Variants in NUFIP1 observed in about 807,000 individuals in gnomAD.
The protein encoded by NUFIP1 is nuclear FMR1 interacting protein 1, also known as FMR1-interacting protein NUFIP1.
In NUFIP1, 38 loss-of-function variants were observed where a neutral mutation model predicts 56.2. The ratio of observed to expected loss-of-function variants is 0.68; its 90% CI spans 0.52 to 0.89. The LOEUF is 0.89. NUFIP1 is among the 40% of genes least tolerant of loss of function. The pLI is 0.00. For synonymous variants in NUFIP1, 215 were observed against 212.4 expected (o/e 1.01, Z -0.10); for missense variants, 567 against 605.8 (o/e 0.94, Z 0.67).
intron 5 of NUFIP1, among the ~76,000 whole-genome samples, chr13:44,971,876 T>C (rs1871816746): frequency 6.6e-6 from 1 of 151,968 alleles, no homozygotes; most frequent in South Asian, 2.1e-4. Context: ...CCTACGTCCA[T>C]GGTACTGTCA....
chr13:44,964,760 T>C (rs565177793), intron 6 of NUFIP1, among the ~76,000 whole-genome samples: 1 of 152,230 alleles, frequency 6.6e-6, no homozygotes, highest in East Asian at 1.9e-4. Flanking sequence ...CAGCACCTCA[T>C]CTTCACTCCG....
chr13:44,980,087 C>T (rs145317874), intron 3 of NUFIP1, 135 bp from the exon 4 acceptor site: 16 of 561,062 alleles, frequency 2.9e-5, no homozygotes, highest in African/African-American at 2.1e-4. Flanking sequence ...TCTCTGCATA[C>T]AAAAATGACT....
chr13:44,959,574 G>C lies in NUFIP1; in HGVS notation c.828C>G (p.Gly276=). ...AATGTCTGGACATCCCCTTCATCTT[G>C]CTGGAGTAAGAAAATTGCAATTTTT... ...RGAVLTTTQY[G]KMKGMSRHSQ... Residue 276 remains glycine (G), a splice_region_variant and synonymous_variant, in exon 7 of 10, where the codon GGC becomes GGG. Transcript: ENST00000379161. 1 of 1,593,864 alleles carries C rather than the reference G, an allele frequency of 6.3e-7. No individual in the cohort carries two copies. Among genetic ancestry groups the C allele is most frequent in the Non-Finnish European group, 8.5e-7 (1 of 1,173,586 alleles).
At chr13:44,985,440 C>T (rs1872349149) in intron 1 of NUFIP1, among the ~76,000 whole-genome samples, 1 of 152,214 alleles carries the variant, frequency 6.6e-6, no homozygotes, top group African/African-American at 2.4e-5. Flanking sequence ...TCTCATTTCA[C>T]TGCACTTCGT....
At chr13:44,979,774 T>C (rs1872119740) in intron 4 of NUFIP1, 116 bp downstream of exon 4, 1 of 639,786 alleles carries the variant, frequency 1.6e-6, no homozygotes, top group Non-Finnish European at 2.5e-6. Context: ...TCAAAATCCT[T>C]ACAAAGTACT....
intron 5 of NUFIP1, among the ~76,000 whole-genome samples, chr13:44,974,712 T>C (rs774423623): frequency 2.0e-5 from 3 of 152,288 alleles, no homozygotes; most frequent in Non-Finnish European, 4.4e-5. Context: ...CCGCTGCACC[T>C]GGCTAACTTT....
chr13:44,975,454 A>C (rs1871939108), intron 5 of NUFIP1, among the ~76,000 whole-genome samples: 1 of 151,850 alleles, frequency 6.6e-6, no homozygotes, highest in Non-Finnish European at 1.5e-5. Flanking sequence ...AAGTCTCCTA[A>C]AACCTCTCTC....
intron 8 of NUFIP1, among the ~76,000 whole-genome samples, chr13:44,944,437 A>G (rs1397943905): frequency 6.6e-6 from 1 of 152,192 alleles, no homozygotes; most frequent in African/African-American, 2.4e-5. Context: ...CAGATTTTCA[A>G]TATGCATTGC....
chr13:44,943,246 ACAT>A (rs1870802530), intron 9 of NUFIP1, among the ~76,000 whole-genome samples, 193 bp downstream of exon 9: 1 of 152,188 alleles, frequency 6.6e-6, no homozygotes, highest in African/African-American at 2.4e-5. Flanking sequence ...TGTAAAAATT[ACAT>A]TATTCCACAT....
intron 9 of NUFIP1, 32 bp from the exon 10 acceptor site, chr13:44,941,354 T>C: frequency 7.9e-7 from 1 of 1,261,930 alleles, no homozygotes; most frequent in African/African-American, 1.5e-5. Flanking sequence ...GATGAGGTAG[T>C]AAATAAATTA....
chr13:44,980,676 G>C lies in NUFIP1; in HGVS notation c.594+46C>G, dbSNP rs1023115130. 6.6e-6 allele frequency: 8 copies of C among 1,219,526 alleles called. No individual in the cohort carries two copies. The African/African-American group carries it at 1.2e-4, about 19-fold the overall frequency. 75.5% of individuals were successfully genotyped at this position (1,219,526 alleles called of 1,614,324 possible). A position where few individuals can be genotyped will look rare whatever the true frequency, so the allele number is the denominator to read the frequency against. ...ATTTCTACCAAATATACAGATAGAA[G>C]AAGCACAATTGCTACATCAGTTTCA... On this transcript the variant is annotated intron_variant, in intron 3 of 9. Transcript: ENST00000379161.
At chr13:44,968,913 G>GTTCCCT (rs932032859) in intron 5 of NUFIP1, among the ~76,000 whole-genome samples, 1 of 152,164 alleles carries the variant, frequency 6.6e-6, no homozygotes, top group African/African-American at 2.4e-5. Context: ...AAACATCAAA[G>GTTCCCT]ATGTGATGTG....
chr13:44,946,542 C>T (rs1204245427), intron 8 of NUFIP1, among the ~76,000 whole-genome samples: 2 of 152,152 alleles, frequency 1.3e-5, no homozygotes, highest in Non-Finnish European at 2.9e-5. Context: ...AAATTTGTAT[C>T]TTAGTGATTC....
At chr13:44,978,511 A>C (rs181527799) in intron 5 of NUFIP1, among the ~76,000 whole-genome samples, 2 of 152,344 alleles carry the variant, frequency 1.3e-5, no homozygotes, top group African/African-American at 4.8e-5. Context: ...AGAAGGCAGT[A>C]TAACAGTGCC....
intron 4 of NUFIP1, among the ~76,000 whole-genome samples, chr13:44,979,558 A>T (rs2137922565): frequency 6.6e-6 from 1 of 152,360 alleles, no homozygotes. Flanking sequence ...TTACCAATCA[A>T]AACCTAGAGA....
chr13:44,963,499 C>T (rs944769522), intron 6 of NUFIP1, among the ~76,000 whole-genome samples: 9 of 152,228 alleles, frequency 5.9e-5, no homozygotes, highest in South Asian at 4.2e-4. Context: ...CCATTAAGTA[C>T]GATGTGGCTA....
intron 2 of NUFIP1, among the ~76,000 whole-genome samples, chr13:44,981,576 G>A (rs908085368): frequency 3.3e-5 from 5 of 152,014 alleles, no homozygotes; most frequent in Admixed American, 6.6e-5. Context: ...TTTGGGAGGC[G>A]GAGGTGGGCG....
In NUFIP1 at chr13:44,982,136, G is replaced by A; in HGVS notation, c.431C>T (p.Pro144Leu). Residue 144 changes from proline to leucine, a missense_variant, in exon 2 of 10, where the codon CCA (proline) becomes CTA (leucine). Physicochemically the swap from Pro to Leu is moderately conservative, Grantham distance 98 (BLOSUM62 -3). Transcript: ENST00000379161. ...TGTGAATTTTGCATCATACTTTCGT[G>A]GATAATAAGAATTTTTAACTAAAAA... is the stretch of plus-strand genomic sequence containing the variant. ...FNPAVKNSYY[P>L]RKYDAKFTDF... is the part of the protein sequence containing the mutation. 4.1e-6 allele frequency: 6 copies of A among 1,469,630 alleles called. No homozygotes were observed. Among genetic ancestry groups the A allele is most frequent in the Non-Finnish European group, 5.4e-6 (6 of 1,106,134 alleles). 91.0% of individuals were successfully genotyped at this position (1,469,630 alleles called of 1,614,324 possible).
At position 44,939,845 on chromosome 13, in the gene NUFIP1, T is replaced by G. The variant is rs776563874; in HGVS notation, c.*1361A>C. The G allele has an allele frequency of 2.0e-5, 3 of 150,838 alleles. No homozygotes were observed. The highest frequency in any genetic ancestry group is 1.3e-4 in the Admixed American group (2 of 14,958). The allele number at this position is 150,838 out of a possible 1,614,324, so 9.3% of individuals were successfully genotyped here. ...CTGGAGATATGGTCATCAATGAAAG[T>G]AGTCCAGGAGTCCATGAATTCATTT... On this transcript the variant is annotated 3_prime_UTR_variant, in exon 10 of 10. Coordinates refer to ENST00000379161, the MANE Select transcript of NUFIP1 (RefSeq NM_012345.3).
Sources: gnomAD v4.1 joint callset for allele counts (sites outside exome capture counted in the v4.1 genomes callset) on GRCh38, gnomAD v4.1.1 for gene constraint, MANE v1.5 for transcripts, NCBI Gene and HGNC (gene_info 2026-07-23, HGNC 2026-07-21) for gene names.